SAMD5: variants seen among roughly 807,000 people sequenced by gnomAD.
The protein encoded by SAMD5 is sterile alpha motif domain-containing protein 5.
In SAMD5, 13 loss-of-function variants were observed where a neutral mutation model predicts 11.3. That is an observed-to-expected ratio of 1.15 (90% CI 0.75 to 1.83). The LOEUF (loss-of-function observed/expected upper bound fraction) is 1.83. Among genes scored for constraint, SAMD5 ranks in the 40% most tolerant of loss-of-function variants. The probability of loss-of-function intolerance (pLI) is 0.00; values close to 1 mark genes in which losing one functional copy is unlikely to be tolerated. For synonymous variants in SAMD5, 129 were observed against 111.3 expected (o/e 1.16, Z -1.00); for missense variants, 255 against 239.1 (o/e 1.07, Z -0.44).
In SAMD5 at chr6:147,730,166, C is replaced by A. The variant is rs147133038; in HGVS notation, c.163-7151C>A. ...GAGAGGGAGAGAAAGATGATGATTT[C>A]GGGAAAGAGCCTTGGGGGCATGCCT... On this transcript the variant is annotated intron_variant, in intron 1 of 1. Transcript: ENST00000566741. The A allele has an allele frequency of 2.1e-4, 87 of 418,076 alleles. 2 individuals are homozygous for A. The highest frequency in any genetic ancestry group is 1.6e-3 in the South Asian group (87 of 55,810). 25.9% of individuals were successfully genotyped at this position (418,076 alleles called of 1,614,324 possible).
chr6:147,549,518 G>C (rs1220416193), intron 1 of SAMD5, among the ~76,000 whole-genome samples: 1 of 152,154 alleles, frequency 6.6e-6, no homozygotes, highest in Non-Finnish European at 1.5e-5. Context: ...GCACAGCTCT[G>C]AGATGTATTT....
chr6:147,778,002 T>G, the SAMD5 span, among the ~76,000 whole-genome samples: 8 of 152,328 alleles, frequency 5.3e-5, no homozygotes, highest in East Asian at 1.3e-3. Flanking sequence ...AATTACTCAG[T>G]CATATGGTAA....
At chr6:147,541,557 C>T (rs1349417943) in intron 1 of SAMD5, among the ~76,000 whole-genome samples, 3 of 152,070 alleles carry the variant, frequency 2.0e-5, no homozygotes, top group Non-Finnish European at 4.4e-5. Flanking sequence ...CAGATAGTTA[C>T]CCAGAGAGAC....
intron 1 of SAMD5, among the ~76,000 whole-genome samples, chr6:147,632,034 G>A (rs1280911682): frequency 6.6e-6 from 1 of 152,214 alleles, no homozygotes; most frequent in Non-Finnish European, 1.5e-5. Context: ...TGTGGGAAGA[G>A]ATTGATAGGT....
the SAMD5 span, among the ~76,000 whole-genome samples, chr6:147,911,069 T>TA: frequency 1.3e-5 from 2 of 152,250 alleles, no homozygotes; most frequent in Non-Finnish European, 2.9e-5. Flanking sequence ...CTTAGCCTGT[T>TA]ACCTCTGGGC....
intron 1 of SAMD5, among the ~76,000 whole-genome samples, chr6:147,553,341 G>A (rs777426656): frequency 2.0e-5 from 3 of 152,200 alleles, no homozygotes; most frequent in Admixed American, 6.5e-5. Flanking sequence ...AGGACTTCAT[G>A]TCTGTCCTGG....
chr6:147,750,902 C>G, the SAMD5 span, among the ~76,000 whole-genome samples: 1 of 152,166 alleles, frequency 6.6e-6, no homozygotes, highest in Non-Finnish European at 1.5e-5. Context: ...AGCCTGGTGA[C>G]ATTGCAAGAC....
At chr6:147,755,873 T>A in the SAMD5 span, among the ~76,000 whole-genome samples, 1 of 152,152 alleles carries the variant, frequency 6.6e-6, no homozygotes, top group South Asian at 2.1e-4. Flanking sequence ...TTATAGAATA[T>A]ATGTTAAGTT....
chr6:147,674,819 G>A (rs1050995825), intron 1 of SAMD5, among the ~76,000 whole-genome samples: 1 of 152,162 alleles, frequency 6.6e-6, no homozygotes, highest in African/African-American at 2.4e-5. Context: ...GCTGAACAAA[G>A]AAACTGCCCA....
chr6:147,651,140 G>A (rs1010708153), intron 1 of SAMD5, among the ~76,000 whole-genome samples: 8 of 152,128 alleles, frequency 5.3e-5, no homozygotes, highest in African/African-American at 1.9e-4. Flanking sequence ...AAAGGAATTG[G>A]CAAAGAGATT....
At chr6:147,949,712 G>T in the SAMD5 span, among the ~76,000 whole-genome samples, 1 of 152,108 alleles carries the variant, frequency 6.6e-6, no homozygotes, top group African/African-American at 2.4e-5. Flanking sequence ...CTGGGTAAAA[G>T]CAACTATATG....
chr6:147,790,660 A>G, the SAMD5 span, among the ~76,000 whole-genome samples: 1 of 152,040 alleles, frequency 6.6e-6, no homozygotes, highest in African/African-American at 2.4e-5. Context: ...TAGCTGGGGA[A>G]GATCTGCCTT....
the SAMD5 span, among the ~76,000 whole-genome samples, chr6:147,872,266 T>C: frequency 6.6e-6 from 1 of 151,990 alleles, no homozygotes; most frequent in East Asian, 1.9e-4. Context: ...CCACCATGCC[T>C]GGCTGTTTTT....
In SAMD5 at chr6:147,566,242, A is replaced by G; in HGVS notation, c.*1786A>G. 9.2e-6 allele frequency: 9 copies of G among 979,140 alleles called. No individual in the cohort carries two copies. Among genetic ancestry groups the G allele is most frequent in the Non-Finnish European group, 1.1e-5 (9 of 824,212 alleles). 60.7% of individuals were successfully genotyped at this position (979,140 alleles called of 1,614,324 possible). A position where few individuals can be genotyped will look rare whatever the true frequency, so the allele number is the denominator to read the frequency against. On this transcript the variant is annotated 3_prime_UTR_variant, in exon 2 of 2. Coordinates refer to ENST00000367474, the MANE Select transcript of SAMD5 (RefSeq NM_001030060.3). ...GTATAGGTTGTCCTTAAATTATACA[A>G]AAGCTTTTAGTTTCATCAGGATTAT... is the stretch of plus-strand genomic sequence containing the variant.
At chr6:147,710,112 G>A (rs1583148552) in intron 1 of SAMD5, among the ~76,000 whole-genome samples, 1 of 152,152 alleles carries the variant, frequency 6.6e-6, no homozygotes, top group African/African-American at 2.4e-5. Context: ...ATGCCTCCGG[G>A]CCTTTGCATG....
chr6:147,941,374 G>C, the SAMD5 span, among the ~76,000 whole-genome samples: 2 of 152,218 alleles, frequency 1.3e-5, no homozygotes, highest in African/African-American at 4.8e-5. Context: ...GACTTTGGCA[G>C]ATTTCCCCTC....
chr6:147,795,471 G>C, the SAMD5 span, among the ~76,000 whole-genome samples: 1 of 145,974 alleles, frequency 6.9e-6, no homozygotes, highest in African/African-American at 2.6e-5. Flanking sequence ...ATCATTGTTG[G>C]ACATTTGGGT....
the SAMD5 span, among the ~76,000 whole-genome samples, chr6:147,792,717 G>A: frequency 6.6e-6 from 1 of 152,056 alleles, no homozygotes; most frequent in Non-Finnish European, 1.5e-5. Flanking sequence ...GCATTTTGTA[G>A]GACTAGAAAG....
At chr6:147,827,941 CA>C in the SAMD5 span, among the ~76,000 whole-genome samples, 1 of 151,730 alleles carries the variant, frequency 6.6e-6, no homozygotes, top group Admixed American at 6.6e-5. Flanking sequence ...AGGCACCCAC[CA>C]CCACTCCCGG....
Sources: allele counts gnomAD v4.1 joint callset (sites outside exome capture counted in the v4.1 genomes callset), GRCh38; gene constraint gnomAD v4.1.1; transcripts MANE v1.5; gene names NCBI Gene and HGNC (gene_info 2026-07-23, HGNC 2026-07-21).